UQCC2: variants seen among roughly 807,000 people sequenced by gnomAD.
The protein encoded by UQCC2 is breast cancer-associated protein SGA-81M.
A neutral mutation model predicts 19.9 loss-of-function variants in UQCC2; 21 were observed. That is an observed-to-expected ratio of 1.05 (90% confidence interval 0.75 to 1.52). The LOEUF (loss-of-function observed/expected upper bound fraction) is 1.52, where lower values mean the gene tolerates loss of function less well. UQCC2 is among the 40% of genes most tolerant of loss of function. UQCC2 has a pLI of 0.00. For missense variants in UQCC2, 135 were observed against 157.5 expected, an observed-to-expected ratio of 0.86 and a Z score of 0.76; for synonymous variants, 57 against 60.9, an observed-to-expected ratio of 0.94 and a Z score of 0.30.
chr6:33,711,477 T>A (rs572075164), intron 1 of UQCC2, 72 bp downstream of exon 1: 1 of 1,511,282 alleles, frequency 6.6e-7, no homozygotes, highest in African/African-American at 1.4e-5. Context: ...ATCCCCCTGC[T>A]AGCGCGCTCG....
chr6:33,700,188 G>T lies in UQCC2; in HGVS notation c.283+256C>A, dbSNP rs594223. 0.75 allele frequency among the ~76,000 whole-genome samples: 114,262 copies of T among 152,128 alleles called. 45,379 individuals carry two copies. The highest frequency in any genetic ancestry group is 0.94 in the East Asian group (4,881 of 5,176). ...TTCAACTACTTCCATTTGGCAAATAGGTATTCCTCTGTTCCCTGATGCCCA... is the reference window on the plus strand; with the variant it reads ...TTCAACTACTTCCATTTGGCAAATATGTATTCCTCTGTTCCCTGATGCCCA... On this transcript the variant is annotated intron_variant, in intron 3 of 3. Coordinates refer to ENST00000607484, the MANE Select transcript of UQCC2 (RefSeq NM_032340.4).
intron 1 of UQCC2, among the ~76,000 whole-genome samples, chr6:33,704,238 G>C (rs1373137579): frequency 6.6e-6 from 1 of 152,198 alleles, no homozygotes; most frequent in Non-Finnish European, 1.5e-5. Flanking sequence ...AACCACCCTG[G>C]TGGGAGTGGA....
intron 2 of UQCC2, among the ~76,000 whole-genome samples, 194 bp from the exon 3 acceptor site, chr6:33,700,707 A>G (rs1354449951): frequency 6.6e-6 from 1 of 152,216 alleles, no homozygotes; most frequent in Non-Finnish European, 1.5e-5. Flanking sequence ...AGCTCCAACT[A>G]TAATGTACCC....
chr6:33,699,068 C>T (rs1456697248), intron 3 of UQCC2, among the ~76,000 whole-genome samples: 1 of 152,158 alleles, frequency 6.6e-6, no homozygotes, highest in African/African-American at 2.4e-5. Flanking sequence ...TGAGGCCTCC[C>T]TTAGGCGCTT....
chr6:33,700,785 G>A (rs1765630901), intron 2 of UQCC2, among the ~76,000 whole-genome samples: 1 of 152,234 alleles, frequency 6.6e-6, no homozygotes, highest in African/African-American at 2.4e-5. Context: ...CCAGTTCCCA[G>A]GTGATGCCCA....
Position 33,711,578 on chromosome 6 carries a change from G to A in UQCC2, c.109C>T (p.Gln37Ter). The change falls in exon 1 of 4, where the codon CAG becomes TAG. Residue 37 changes from glutamine (Q) to a stop codon, truncating the protein, a stop_gained. Transcript: ENST00000607484. LOFTEE classifies it high-confidence loss of function. Reference protein sequence around the residue: ...LGAYLRQRVAQAFREGENTQV... With the variant: ...LGAYLRQRVA ...GTATTCTCTCCCTCCCGAAAGGCCT[G>A]TGCTACCCGCTGTCGCAGGTAAGCG... The A allele has an allele frequency of 6.2e-7, 1 of 1,613,634 alleles. No individual in the cohort carries two copies. Among genetic ancestry groups the A allele is most frequent in the Non-Finnish European group, 8.5e-7 (1 of 1,179,794 alleles).
intron 1 of UQCC2, 105 bp downstream of exon 1, chr6:33,711,444 A>T (rs1765769871): frequency 6.9e-7 from 1 of 1,452,870 alleles, no homozygotes; most frequent in African/African-American, 1.4e-5. Flanking sequence ...TGCTGCCTGG[A>T]AAGAGGGCGC....
chr6:33,706,476 C>A (rs1025216581), intron 1 of UQCC2, among the ~76,000 whole-genome samples: 3 of 152,172 alleles, frequency 2.0e-5, no homozygotes, highest in African/African-American at 7.2e-5. Flanking sequence ...ACCAACCCTG[C>A]CCGGGGCAAT....
At chr6:33,711,432 C>T in intron 1 of UQCC2, 117 bp downstream of exon 1, 1 of 1,410,372 alleles carries the variant, frequency 7.1e-7, no homozygotes, top group African/African-American at 1.5e-5. Context: ...TCCGCGCTCA[C>T]GTGCTGCCTG....
chr6:33,704,137 A>C (rs1311491444), intron 1 of UQCC2, among the ~76,000 whole-genome samples: 1 of 152,220 alleles, frequency 6.6e-6, no homozygotes, highest in Non-Finnish European at 1.5e-5. Flanking sequence ...GTGAGCGATT[A>C]GTTTTTCTCA....
chr6:33,706,214 G>A (rs567697611), intron 1 of UQCC2, among the ~76,000 whole-genome samples: 1 of 152,332 alleles, frequency 6.6e-6, no homozygotes, highest in South Asian at 2.1e-4. Flanking sequence ...GCTAATTAAG[G>A]TAGAGCTGGA....
chr6:33,700,451 C>T lies in UQCC2; in HGVS notation c.276G>A (p.Leu92=). Residue 92 remains leucine, a synonymous_variant, in exon 3 of 4, where the codon CTG becomes CTA. Coordinates refer to ENST00000607484, the MANE Select transcript of UQCC2 (RefSeq NM_032340.4). Reference sequence around the variant, plus strand: ...CAGCTGTGCTTTCATTACCTGTGGACAGGATCAGCTTGTACTCTTCCAACG... The same window carrying T: ...CAGCTGTGCTTTCATTACCTGTGGATAGGATCAGCTTGTACTCTTCCAACG... ...GLSLEEYKLI[L]STDTLEELKE... 1 of 1,614,084 alleles carries T rather than the reference C, an allele frequency of 6.2e-7. No homozygotes were observed. Among genetic ancestry groups the T allele is most frequent in the Non-Finnish European group, 8.5e-7 (1 of 1,179,996 alleles).
rs1765572915 is a variant in UQCC2 at position 33,697,226 on chromosome 6, T to C, written c.*427A>G. 1 of 159,748 alleles carries C rather than the reference T, an allele frequency of 6.3e-6. No homozygotes were observed. Among genetic ancestry groups the C allele is most frequent in the Non-Finnish European group, 1.4e-5 (1 of 72,800 alleles). The allele number at this position is 159,748 out of a possible 1,614,324, so 9.9% of individuals were successfully genotyped here. ...CTCACACCTCCCTACTGCTTTCTGTTTGCAACAGGATGCCCTTTTCAGTAT... is the reference window on the plus strand; with the variant it reads ...CTCACACCTCCCTACTGCTTTCTGTCTGCAACAGGATGCCCTTTTCAGTAT... On this transcript the variant is annotated 3_prime_UTR_variant, in exon 4 of 4. Coordinates refer to ENST00000607484, the MANE Select transcript of UQCC2 (RefSeq NM_032340.4).
At chr6:33,703,730 C>T (rs1195245433) in intron 1 of UQCC2, among the ~76,000 whole-genome samples, 1 of 152,162 alleles carries the variant, frequency 6.6e-6, no homozygotes, top group Non-Finnish European at 1.5e-5. Flanking sequence ...AATGCCCCTT[C>T]ACCCCATAAT....
intron 3 of UQCC2, 83 bp from the exon 4 acceptor site, chr6:33,697,833 C>T (rs978346900): frequency 9.0e-7 from 1 of 1,117,112 alleles, no homozygotes; most frequent in Non-Finnish European, 1.3e-6. Context: ...GCTTTCCCGA[C>T]ACAAGCATGG....
At position 33,711,626 on chromosome 6, in the gene UQCC2, T is replaced by G. The variant is rs774071001; in HGVS notation, c.61A>C (p.Thr21Pro). 7 of 1,614,042 alleles carry G rather than the reference T, an allele frequency of 4.3e-6. No homozygotes were observed. The highest frequency in any genetic ancestry group is 4.2e-6 in the Non-Finnish European group (5 of 1,179,944). ...GCGCCCAAGTCCCGGCCCCGTTTGGTCTCGTCCACTGGCCATTCCTCACAG... is the reference window on the plus strand; with the variant it reads ...GCGCCCAAGTCCCGGCCCCGTTTGGGCTCGTCCACTGGCCATTCCTCACAG... ...KLCEEWPVDE[T>P]KRGRDLGAYL... is the part of the protein sequence containing the mutation. Residue 21 changes from threonine (T) to proline (P), a missense_variant, in exon 1 of 4, where the codon ACC becomes CCC. Transcript: ENST00000607484.
chr6:33,699,631 G>C (rs921979598), intron 3 of UQCC2, among the ~76,000 whole-genome samples: 2 of 152,212 alleles, frequency 1.3e-5, no homozygotes, highest in African/African-American at 4.8e-5. Context: ...AATAGGGTTA[G>C]AGTTGACATG....
chr6:33,701,238 C>T (rs559612657), intron 2 of UQCC2, 108 bp downstream of exon 2: 29 of 1,207,086 alleles, frequency 2.4e-5, no homozygotes, highest in East Asian at 7.8e-5. Flanking sequence ...TTCATTTGAA[C>T]GCAGCAAAGC....
chr6:33,698,521 C>G (rs1415267256), intron 3 of UQCC2: 1 of 152,208 alleles, frequency 6.6e-6, no homozygotes, highest in Non-Finnish European at 1.5e-5. Context: ...AGCCCGCACT[C>G]AATGAAAAGG....
Sources: allele counts gnomAD v4.1 joint callset (sites outside exome capture counted in the v4.1 genomes callset), GRCh38; gene constraint gnomAD v4.1.1; transcripts MANE v1.5; gene names NCBI Gene and HGNC (gene_info 2026-07-23, HGNC 2026-07-21).